Variants in ITGAM observed in about 807,000 individuals in gnomAD.
ITGAM encodes integrin subunit alpha M.
Under a neutral mutation model 137.5 loss-of-function variants are expected in ITGAM, and 79 were observed. The ratio of observed to expected loss-of-function variants is 0.57; its 90% CI spans 0.48 to 0.69. The LOEUF (loss-of-function observed/expected upper bound fraction) is 0.69, where lower values mean the gene tolerates loss of function less well. ITGAM is among the 30% of genes least tolerant of loss of function. ITGAM has a pLI of 0.00. For synonymous variants in ITGAM, 583 were observed against 592.3 expected (o/e 0.98, Z 0.23); for missense variants, 1,343 against 1,483.5 (o/e 0.91, Z 1.56).
intron 5 of ITGAM, among the ~76,000 whole-genome samples, chr16:31,269,191 A>G (rs1216596101): frequency 6.6e-6 from 1 of 152,168 alleles, no homozygotes. Context: ...GCAAGATCGG[A>G]TGAACCAGTT....
At chr16:31,317,359 G>A (rs949111809) in intron 14 of ITGAM, among the ~76,000 whole-genome samples, 11 of 152,266 alleles carry the variant, frequency 7.2e-5, no homozygotes, top group African/African-American at 2.6e-4. Flanking sequence ...ATATGTTGAA[G>A]CCTAATTCCT....
intron 14 of ITGAM, among the ~76,000 whole-genome samples, chr16:31,315,755 G>A (rs1044586986): frequency 1.3e-5 from 2 of 151,522 alleles, no homozygotes; most frequent in African/African-American, 2.4e-5. Context: ...CACTGCACCC[G>A]GCCCAGCACT....
At chr16:31,279,313 A>G (rs1281015944) in intron 12 of ITGAM, among the ~76,000 whole-genome samples, 1 of 152,190 alleles carries the variant, frequency 6.6e-6, no homozygotes, top group African/African-American at 2.4e-5. Context: ...GAATCGCCAC[A>G]CTGTCTTCCA....
chr16:31,270,745 G>T (rs57015969), intron 5 of ITGAM, among the ~76,000 whole-genome samples: 6,347 of 59,024 alleles, frequency 0.11, 344 homozygotes, highest in Non-Finnish European at 0.15. Flanking sequence ...ATATATATAT[G>T]TTTTTAACGT....
intron 14 of ITGAM, among the ~76,000 whole-genome samples, chr16:31,312,728 C>T (rs1248851695): frequency 2.0e-5 from 3 of 152,122 alleles, no homozygotes; most frequent in Admixed American, 6.5e-5. Context: ...TGCACTCAGC[C>T]GGACTATAAT....
At chr16:31,297,108 C>T (rs997468303) in intron 12 of ITGAM, among the ~76,000 whole-genome samples, 1 of 152,124 alleles carries the variant, frequency 6.6e-6, no homozygotes, top group Non-Finnish European at 1.5e-5. Flanking sequence ...TGGAGTAAAT[C>T]CTCACTCACT....
Position 31,326,311 on chromosome 16 carries a change from G to A in ITGAM, c.2629-545G>A, listed in dbSNP as rs572314095. Among the ~76,000 whole-genome samples, 11 of 152,202 alleles carry A rather than the reference G, an allele frequency of 7.2e-5. No individual in the cohort carries two copies. In the East Asian group the frequency reaches 1.4e-3, roughly 19 times the overall value. Reference sequence around the variant, plus strand: ...CATTTCATATAAATGAAATAATCCCGTATGTGATCCTTTCCCTAGCATAAT... The same window carrying A: ...CATTTCATATAAATGAAATAATCCCATATGTGATCCTTTCCCTAGCATAAT... On this transcript the variant is annotated intron_variant, in intron 21 of 29. Transcript: ENST00000544665.
chr16:31,290,311 G>A (rs1396194658), intron 12 of ITGAM, among the ~76,000 whole-genome samples: 1 of 152,086 alleles, frequency 6.6e-6, no homozygotes, highest in African/African-American at 2.4e-5. Context: ...AGATGGAAAT[G>A]TTCTGGAGGT....
intron 21 of ITGAM, among the ~76,000 whole-genome samples, chr16:31,325,870 A>G (rs550368941): frequency 3.9e-4 from 59 of 152,188 alleles, no homozygotes; most frequent in African/African-American, 1.3e-3. Flanking sequence ...GTTTGAAACC[A>G]GCCTGGGTGA....
In ITGAM at chr16:31,277,056, G is replaced by T. The variant is rs1442639865; in HGVS notation, c.1213+7G>T. 3.1e-6 allele frequency: 5 copies of T among 1,607,150 alleles called. No homozygotes were observed. The highest frequency in any genetic ancestry group is 2.7e-5 in the African/African-American group (2 of 74,816). On this transcript the variant is annotated splice_region_variant and intron_variant, in intron 11 of 29. Coordinates refer to ENST00000544665, the MANE Select transcript of ITGAM (RefSeq NM_000632.4). ...ATGAATGATGCTTACTTGGGTAAGT[G>T]GGGAGGGCAAGGGTTACTCTAAGAA...
chr16:31,286,204 T>C (rs919444110), intron 12 of ITGAM, among the ~76,000 whole-genome samples: 7 of 152,196 alleles, frequency 4.6e-5, no homozygotes, highest in Non-Finnish European at 8.8e-5. Context: ...GGTGGCGTAG[T>C]ATTTGATGGT....
Position 31,297,875 on chromosome 16 carries a change from C to A in ITGAM, c.1628C>A (p.Pro543Gln). 6.2e-7 allele frequency: 1 copy of A among 1,613,914 alleles called. No homozygotes were observed. Among genetic ancestry groups the A allele is most frequent in the Non-Finnish European group, 8.5e-7 (1 of 1,179,952 alleles). Residue 543 changes from proline (P) to glutamine (Q), a missense_variant, in exon 14 of 30, where the codon CCA (proline) becomes CAA (glutamine). Coordinates refer to ENST00000544665, the MANE Select transcript of ITGAM (RefSeq NM_000632.4). ...DKLTDVAIGA[P>Q]GEEDNRGAVY... The stretch of plus-strand genomic sequence containing the variant: ...CTGACGGACGTGGCCATTGGGGCCC[C>A]AGGAGAGGAGGACAACCGGGGTGCT...
intron 6 of ITGAM, 115 bp downstream of exon 6, chr16:31,271,199 C>T (rs568948845): frequency 1.3e-5 from 12 of 891,664 alleles, no homozygotes; most frequent in Admixed American, 1.0e-4. Flanking sequence ...AATTGACGAT[C>T]GATTATGGTT....
rs1385695409 is a variant in ITGAM, at chr16:31,276,966, G to C, written c.1130G>C (p.Gly377Ala). ...STVGSYDWAG[G>A]VFLYTSKEKS... ...GTGGGGAGCTATGACTGGGCTGGTGGAGTCTTTCTATATACATCAAAGGAG... is the reference window on the plus strand; with the variant it reads ...GTGGGGAGCTATGACTGGGCTGGTGCAGTCTTTCTATATACATCAAAGGAG... The change falls in exon 11 of 30, where the codon GGA (glycine) becomes GCA (alanine). Residue 377 changes from glycine (G) to alanine (A), a missense_variant. By Grantham distance (60) the Gly-to-Ala change is moderately conservative. Coordinates refer to ENST00000544665, the MANE Select transcript of ITGAM (RefSeq NM_000632.4). 6.2e-7 allele frequency: 1 copy of C among 1,613,346 alleles called. No individual in the cohort carries two copies. The highest frequency in any genetic ancestry group is 8.5e-7 in the Non-Finnish European group (1 of 1,179,654).
At chr16:31,311,580 A>G (rs2080332063) in intron 14 of ITGAM, among the ~76,000 whole-genome samples, 2 of 152,236 alleles carry the variant, frequency 1.3e-5, no homozygotes, top group African/African-American at 2.4e-5. Context: ...CAAAACCACA[A>G]TGAGATACCA....
chr16:31,287,876 A>T (rs1003290108), intron 12 of ITGAM, among the ~76,000 whole-genome samples: 5 of 152,118 alleles, frequency 3.3e-5, no homozygotes, highest in Admixed American at 2.0e-4. Flanking sequence ...TGTGGATTGG[A>T]TGCCACTTCT....
chr16:31,304,588 T>A (rs993639280), intron 14 of ITGAM, among the ~76,000 whole-genome samples: 4 of 152,234 alleles, frequency 2.6e-5, no homozygotes, highest in African/African-American at 9.6e-5. Flanking sequence ...TGTTATGGTT[T>A]CAGGTCTTAG....
intron 12 of ITGAM, among the ~76,000 whole-genome samples, chr16:31,285,874 G>A (rs536040140): frequency 2.3e-4 from 34 of 149,158 alleles, no homozygotes; most frequent in Admixed American, 5.4e-4. Flanking sequence ...CTCAAGCAAC[G>A]TTGCCCAGGC....
intron 12 of ITGAM, among the ~76,000 whole-genome samples, chr16:31,296,622 C>T (rs939002629): frequency 1.3e-5 from 2 of 152,006 alleles, no homozygotes; most frequent in Non-Finnish European, 2.9e-5. Flanking sequence ...CATGATGTCC[C>T]CTGCACATTC....
Sources: allele counts gnomAD v4.1 joint callset (sites outside exome capture counted in the v4.1 genomes callset), GRCh38; gene constraint gnomAD v4.1.1; transcripts MANE v1.5; gene names NCBI Gene and HGNC (gene_info 2026-07-23, HGNC 2026-07-21).